CDH23: variants seen among roughly 807,000 people sequenced by gnomAD.
CDH23 encodes the protein cadherin-23.
CDH23 carries 189 observed loss-of-function variants against 317.1 expected under a neutral mutation model. That is an observed-to-expected ratio of 0.60 (90% CI 0.53 to 0.67). CDH23 has a LOEUF of 0.67. Ranked by LOEUF, CDH23 falls within the 30% of genes least tolerant of loss-of-function variation. CDH23 has a pLI of 0.00. For synonymous variants in CDH23, 1,839 were observed against 1,876.8 expected, an observed-to-expected ratio of 0.98 and a Z score of 0.52; for missense variants, 4,401 against 4,592.4, an observed-to-expected ratio of 0.96 and a Z score of 1.20.
intron 38 of CDH23, among the ~76,000 whole-genome samples, chr10:71,752,437 G>C (rs1173356131): frequency 6.6e-6 from 1 of 152,108 alleles, no homozygotes; most frequent in African/African-American, 2.4e-5. Flanking sequence ...CAGGAACTTG[G>C]GTTCCCTGAA....
At chr10:71,433,577 C>A (rs1849491079) in intron 1 of CDH23, among the ~76,000 whole-genome samples, 1 of 151,960 alleles carries the variant, frequency 6.6e-6, no homozygotes, top group South Asian at 2.1e-4. Flanking sequence ...CTGAGCATGT[C>A]CAGCTGCTGA....
At chr10:71,469,085 G>A (rs1589110729) in intron 3 of CDH23, among the ~76,000 whole-genome samples, 6 of 152,096 alleles carry the variant, frequency 3.9e-5, no homozygotes, top group African/African-American at 1.2e-4. Context: ...TACCACTTTC[G>A]TTCCTTTTTC....
chr10:71,653,758 C>T (rs535774387), intron 14 of CDH23, among the ~76,000 whole-genome samples: 1 of 152,322 alleles, frequency 6.6e-6, no homozygotes, highest in Admixed American at 6.5e-5. Context: ...TGGGCAGGTG[C>T]TTAGCTGTGT....
chr10:71,601,965 G>T (rs544855881), intron 9 of CDH23, among the ~76,000 whole-genome samples: 20 of 151,802 alleles, frequency 1.3e-4, no homozygotes, highest in South Asian at 4.2e-4. Context: ...CGGCGGAGGG[G>T]GGGGGGCTCT....
chr10:71,786,303 T>A (rs1002624469), intron 44 of CDH23, among the ~76,000 whole-genome samples: 3 of 152,234 alleles, frequency 2.0e-5, no homozygotes, highest in East Asian at 3.9e-4. Flanking sequence ...CTGTGGTAGA[T>A]TCCTAGCCAG....
At chr10:71,592,756 G>A (rs942306176) in intron 9 of CDH23, among the ~76,000 whole-genome samples, 8 of 152,092 alleles carry the variant, frequency 5.3e-5, no homozygotes, top group Non-Finnish European at 5.9e-5. Flanking sequence ...GCAGCGTTTC[G>A]GACCTGGGTG....
intron 3 of CDH23, among the ~76,000 whole-genome samples, chr10:71,483,571 C>G (rs1852183706): frequency 6.6e-6 from 1 of 152,196 alleles, no homozygotes; most frequent in Admixed American, 6.5e-5. Context: ...CCACTAGCTC[C>G]CACGTGCAAG....
intron 38 of CDH23, among the ~76,000 whole-genome samples, chr10:71,773,168 C>T (rs147836241): frequency 1.2e-4 from 18 of 152,354 alleles, no homozygotes; most frequent in African/African-American, 4.3e-4. Flanking sequence ...CGATGCCTAG[C>T]TGGGGCACTT....
At chr10:71,401,467 C>A (rs1379194495) in intron 1 of CDH23, among the ~76,000 whole-genome samples, 12 of 152,184 alleles carry the variant, frequency 7.9e-5, no homozygotes, top group Admixed American at 6.5e-4. Flanking sequence ...TTCTCCAGCC[C>A]TATTCTTAAG....
intron 60 of CDH23, among the ~76,000 whole-genome samples, chr10:71,808,418 C>T (rs1184498151): frequency 6.6e-6 from 1 of 152,184 alleles, no homozygotes; most frequent in Non-Finnish European, 1.5e-5. Flanking sequence ...GTCCACCTAC[C>T]CATCTTCCCA....
At chr10:71,616,705 G>A (rs921771640) in intron 10 of CDH23, among the ~76,000 whole-genome samples, 4 of 152,170 alleles carry the variant, frequency 2.6e-5, no homozygotes, top group African/African-American at 7.2e-5. Flanking sequence ...CATGGCTCTG[G>A]CCCAGAGACT....
At chr10:71,802,731 G>A (rs1302662451) in intron 53 of CDH23, among the ~76,000 whole-genome samples, 167 bp from the exon 54 acceptor site, 1 of 152,142 alleles carries the variant, frequency 6.6e-6, no homozygotes, top group Non-Finnish European at 1.5e-5. Context: ...AGGCTCAGGG[G>A]GTTAAATAAG....
chr10:71,530,411 G>A (rs1013015963), intron 6 of CDH23, among the ~76,000 whole-genome samples: 10 of 152,298 alleles, frequency 6.6e-5, no homozygotes, highest in African/African-American at 2.2e-4. Context: ...AGGTGAATAG[G>A]CCTCTGCAGA....
At chr10:71,794,793 C>T (rs891252534) in intron 48 of CDH23, among the ~76,000 whole-genome samples, 2 of 152,200 alleles carry the variant, frequency 1.3e-5, no homozygotes, top group Non-Finnish European at 2.9e-5. Flanking sequence ...CTTGTACCAC[C>T]ATTACCCAGT....
chr10:71,738,391 C>T (rs1402463967), intron 34 of CDH23, 107 bp from the exon 35 acceptor site: 3 of 1,358,434 alleles, frequency 2.2e-6, no homozygotes, highest in South Asian at 1.2e-5. Flanking sequence ...GCTGATGTTC[C>T]AGAACCCACT....
intron 37 of CDH23, 68 bp downstream of exon 37, chr10:71,741,018 A>G (rs1408667090): frequency 6.3e-7 from 1 of 1,587,058 alleles, no homozygotes; most frequent in African/African-American, 1.3e-5. Flanking sequence ...CCAACCATGC[A>G]GCCCCTGTTT....
In CDH23 at chr10:71,815,246, A is replaced by C. The variant is rs368597074; in HGVS notation, c.10033A>C (p.Met3345Leu). The C allele has an allele frequency of 1.4e-5, 22 of 1,588,078 alleles. No homozygotes were observed. Among genetic ancestry groups the C allele is most frequent in the South Asian group, 1.2e-4 (11 of 88,674 alleles). Residue 3345 changes from methionine to leucine, a missense_variant, in exon 70 of 70, where the codon ATG (methionine) becomes CTG (leucine). Coordinates refer to ENST00000224721, the MANE Select transcript of CDH23 (RefSeq NM_022124.6). ...TPLHKLRDVI[M>L]ETPLEITEL is the part of the protein sequence containing the mutation. ...CCTGCACAAACTTCGCGACGTGATCATGGAGACCCCCCTGGAGATCACAGA... is the reference window on the plus strand; with the variant it reads ...CCTGCACAAACTTCGCGACGTGATCCTGGAGACCCCCCTGGAGATCACAGA...
intron 1 of CDH23, among the ~76,000 whole-genome samples, chr10:71,434,609 C>T (rs1471519301): frequency 6.6e-6 from 1 of 152,188 alleles, no homozygotes; most frequent in Admixed American, 6.5e-5. Context: ...AGCCAGCCCT[C>T]AGCCCAGAGC....
At chr10:71,718,284 C>T (rs1423637754) in intron 28 of CDH23, among the ~76,000 whole-genome samples, 1 of 152,208 alleles carries the variant, frequency 6.6e-6, no homozygotes, top group Non-Finnish European at 1.5e-5. Context: ...CAGGCACTCA[C>T]CAGCAGCCGC....
Sources: gnomAD v4.1 joint callset for allele counts (sites outside exome capture counted in the v4.1 genomes callset) on GRCh38, gnomAD v4.1.1 for gene constraint, MANE v1.5 for transcripts, NCBI Gene and HGNC (gene_info 2026-07-23, HGNC 2026-07-21) for gene names.